Variants in ACOXL observed in about 807,000 individuals in gnomAD.
ACOXL encodes the protein acyl-coenzyme A oxidase-like protein.
Under a neutral mutation model 71.9 loss-of-function variants are expected in ACOXL, and 70 were observed. That is an observed-to-expected ratio of 0.97 (90% CI 0.80 to 1.19). The LOEUF (loss-of-function observed/expected upper bound fraction) is 1.19. Ranked by LOEUF, ACOXL falls within the 50% of genes most tolerant of loss-of-function variation. The pLI is 0.00. For missense variants in ACOXL, 703 were observed against 736.3 expected (o/e 0.95, Z 0.52); for synonymous variants, 253 against 281.6 (o/e 0.90, Z 1.02).
intron 11 of ACOXL, among the ~76,000 whole-genome samples, chr2:110,914,461 T>A (rs1184568903): frequency 1.3e-5 from 2 of 152,228 alleles, no homozygotes; most frequent in African/African-American, 2.4e-5. Flanking sequence ...TCAAAAGGCA[T>A]TGATTTTTAA....
intron 12 of ACOXL, among the ~76,000 whole-genome samples, chr2:110,944,555 G>A (rs769700255): frequency 4.6e-5 from 7 of 152,040 alleles, no homozygotes; most frequent in Non-Finnish European, 7.4e-5. Flanking sequence ...GTGTCTGTGC[G>A]TACTCAATGT....
At chr2:110,805,481 C>T (rs1686525080) in intron 9 of ACOXL, 86 bp downstream of exon 9, 1 of 1,571,124 alleles carries the variant, frequency 6.4e-7, no homozygotes, top group Non-Finnish European at 8.7e-7. Context: ...AGCTGAGCTT[C>T]TGGAGCCACA....
chr2:110,784,568 C>A (rs948691550), intron 2 of ACOXL, among the ~76,000 whole-genome samples, 164 bp from the exon 3 acceptor site: 4 of 152,126 alleles, frequency 2.6e-5, no homozygotes, highest in African/African-American at 9.7e-5. Flanking sequence ...AAGATGAAAA[C>A]ATTTACTTTA....
At chr2:110,919,623 G>C (rs887395060) in intron 11 of ACOXL, among the ~76,000 whole-genome samples, 17 of 151,948 alleles carry the variant, frequency 1.1e-4, no homozygotes, top group African/African-American at 1.7e-4. Context: ...ACACAGAGTT[G>C]TTCCATTCAG....
At chr2:110,956,453 G>A (rs1314677199) in intron 12 of ACOXL, among the ~76,000 whole-genome samples, 1 of 152,106 alleles carries the variant, frequency 6.6e-6, no homozygotes, top group African/African-American at 2.4e-5. Flanking sequence ...GCAGGATGGG[G>A]CAACCTGCCA....
chr2:110,863,684 G>T (rs1190822434), intron 10 of ACOXL, among the ~76,000 whole-genome samples: 1 of 152,074 alleles, frequency 6.6e-6, no homozygotes, highest in Non-Finnish European at 1.5e-5. Flanking sequence ...CTTAGGGCCA[G>T]ACTGCCCTAA....
chr2:111,008,113 T>C (rs2063962753), intron 14 of ACOXL, among the ~76,000 whole-genome samples: 1 of 152,228 alleles, frequency 6.6e-6, no homozygotes, highest in South Asian at 2.1e-4. Flanking sequence ...AAACAGTATT[T>C]CCGAAGTTTC....
intron 3 of ACOXL, among the ~76,000 whole-genome samples, chr2:110,788,244 C>A (rs371335490): frequency 6.6e-6 from 1 of 152,126 alleles, no homozygotes; most frequent in Non-Finnish European, 1.5e-5. Flanking sequence ...GCCACATTTC[C>A]GTCAACAGAG....
At chr2:110,758,964 G>A (rs185754322) in intron 1 of ACOXL, among the ~76,000 whole-genome samples, 150 of 152,200 alleles carry the variant, frequency 9.9e-4, no homozygotes, top group Non-Finnish European at 1.6e-3. Flanking sequence ...AGGTTGTTCC[G>A]TTTCCTGTAG....
chr2:110,850,293 G>A (rs1225743184), intron 10 of ACOXL, among the ~76,000 whole-genome samples: 1 of 152,102 alleles, frequency 6.6e-6, no homozygotes, highest in African/African-American at 2.4e-5. Flanking sequence ...GCTGCTCTTT[G>A]AAAAACACTG....
chr2:110,801,962 T>C (rs1013176320), intron 8 of ACOXL, among the ~76,000 whole-genome samples: 15 of 152,232 alleles, frequency 9.9e-5, no homozygotes, highest in Admixed American at 6.5e-5. Context: ...TATACATCTT[T>C]CCAGACTTTT....
rs1046532570 is a variant in ACOXL, at chr2:111,096,556, C to T, written c.1542+3590C>T. 3.3e-5 allele frequency among the ~76,000 whole-genome samples: 5 copies of T among 152,118 alleles called. No individual in the cohort carries two copies. In the East Asian group the frequency reaches 5.8e-4, roughly 18 times the overall value. On this transcript the variant is annotated intron_variant, in intron 17 of 17. Transcript: ENST00000439055. The stretch of plus-strand genomic sequence containing the variant: ...TTTTATATCATGCATGTCACTTTTT[C>T]GTTTCCTGTTCCCCAAAGATATATT...
chr2:110,968,337 T>C lies in ACOXL; in HGVS notation c.1060-18771T>C. 4 of 1,171,588 alleles carry C rather than the reference T, an allele frequency of 3.4e-6. No homozygotes were observed. In the East Asian group the frequency reaches 9.3e-5, roughly 27 times the overall value. 72.6% of individuals were successfully genotyped at this position (1,171,588 alleles called of 1,614,324 possible). ...TTGGCTCCCTGAAGGGAGCTGTGGC[T>C]GGAGGCTCATCTGTCTCTCATAGTA... On this transcript the variant is annotated intron_variant, in intron 12 of 17. Coordinates refer to ENST00000439055, the MANE Select transcript of ACOXL (RefSeq NM_001142807.4).
intron 10 of ACOXL, among the ~76,000 whole-genome samples, chr2:110,883,107 GTTTTTTTTT>G (rs34915436): frequency 9.2e-6 from 1 of 109,266 alleles, no homozygotes; most frequent in Non-Finnish European, 1.8e-5. Context: ...TTTGTCACTG[GTTTTTTTTT>G]TTTTTTTTTT....
At chr2:111,050,783 T>C (rs1222836929) in intron 16 of ACOXL, among the ~76,000 whole-genome samples, 1 of 152,196 alleles carries the variant, frequency 6.6e-6, no homozygotes, top group Admixed American at 6.5e-5. Flanking sequence ...GTGGTCCTCA[T>C]GGCCTCCCCG....
At chr2:110,886,380 C>CTTTTTTTTTT (rs751607372) in intron 10 of ACOXL, among the ~76,000 whole-genome samples, 3 of 131,492 alleles carry the variant, frequency 2.3e-5, no homozygotes, top group Non-Finnish European at 3.2e-5. Flanking sequence ...CCTTCTTTTT[C>CTTTTTTTTTT]TTTTTTTTTT....
chr2:111,049,426 G>T, intron 16 of ACOXL, 138 bp downstream of exon 16: 2 of 684,020 alleles, frequency 2.9e-6, no homozygotes, highest in Non-Finnish European at 5.0e-6. Flanking sequence ...CTTGTCATAG[G>T]CGAATTGGAG....
intron 14 of ACOXL, among the ~76,000 whole-genome samples, chr2:111,009,329 C>A (rs1263057747): frequency 6.6e-6 from 1 of 152,006 alleles, no homozygotes; most frequent in Non-Finnish European, 1.5e-5. Context: ...GCCTGGCCAA[C>A]ATGGTGAAAC....
At chr2:110,814,786 C>T (rs996547309) in intron 9 of ACOXL, among the ~76,000 whole-genome samples, 1 of 152,180 alleles carries the variant, frequency 6.6e-6, no homozygotes. Flanking sequence ...TTCCTAGCAT[C>T]AAGGTCAAAT....
Sources: allele counts gnomAD v4.1 joint callset (sites outside exome capture counted in the v4.1 genomes callset), GRCh38; gene constraint gnomAD v4.1.1; transcripts MANE v1.5; gene names NCBI Gene and HGNC (gene_info 2026-07-23, HGNC 2026-07-21).